Variants in SLC14A2 observed in about 807,000 individuals in gnomAD.
SLC14A2 encodes the protein solute carrier family 14 member 2, also known as urea transporter 2.
Under a neutral mutation model 104.6 loss-of-function variants are expected in SLC14A2, and 91 were observed. The ratio of observed to expected loss-of-function variants is 0.87; its 90% CI spans 0.73 to 1.04. SLC14A2 has a LOEUF of 1.04. SLC14A2 is among the 50% of genes least tolerant of loss of function. The pLI is 0.00. For synonymous variants in SLC14A2, 476 were observed against 466.4 expected (o/e 1.02, Z -0.27); for missense variants, 1,189 against 1,156.0 (o/e 1.03, Z -0.41).
chr18:45,277,483 A>T (rs1269136740), intron 1 of SLC14A2, among the ~76,000 whole-genome samples: 1 of 151,936 alleles, frequency 6.6e-6, no homozygotes, highest in African/African-American at 2.4e-5. Flanking sequence ...ATCATAGCTC[A>T]CTGCATCCAC....
chr18:45,310,178 C>CT (rs1372438704), intron 1 of SLC14A2, among the ~76,000 whole-genome samples: 1 of 152,186 alleles, frequency 6.6e-6, no homozygotes, highest in Non-Finnish European at 1.5e-5. Context: ...CATTGTACTT[C>CT]TAAGTTCTTA....
chr18:45,247,342 A>C (rs2084376615), intron 1 of SLC14A2, among the ~76,000 whole-genome samples: 1 of 152,252 alleles, frequency 6.6e-6, no homozygotes, highest in South Asian at 2.1e-4. Flanking sequence ...GTTTGCGAGA[A>C]TTGAGCAAGT....
chr18:45,562,313 T>C (rs537834701), intron 2 of SLC14A2, among the ~76,000 whole-genome samples: 9 of 152,350 alleles, frequency 5.9e-5, no homozygotes, highest in African/African-American at 1.9e-4. Context: ...GTTGACCTGA[T>C]AGAGAAGAGC....
chr18:45,650,718 G>A (rs2045719114), intron 10 of SLC14A2, among the ~76,000 whole-genome samples: 1 of 145,114 alleles, frequency 6.9e-6, no homozygotes, highest in African/African-American at 2.7e-5. Flanking sequence ...CAGCACCACA[G>A]GTGTTTTGGG....
chr18:45,260,851 G>A (rs2084528302), intron 1 of SLC14A2, among the ~76,000 whole-genome samples: 1 of 152,012 alleles, frequency 6.6e-6, no homozygotes, highest in Admixed American at 6.6e-5. Context: ...GGGGAGGAAG[G>A]GAGTGGGGAA....
chr18:45,557,043 G>A (rs1255279792), intron 2 of SLC14A2, among the ~76,000 whole-genome samples: 6 of 152,216 alleles, frequency 3.9e-5, no homozygotes, highest in African/African-American at 1.4e-4. Context: ...CCCGCATAGG[G>A]TAAGTGTTCA....
intron 1 of SLC14A2, among the ~76,000 whole-genome samples, chr18:45,465,837 A>G (rs1027040829): frequency 1.3e-5 from 2 of 152,178 alleles, no homozygotes; most frequent in Admixed American, 1.3e-4. Context: ...ATGCGTTGGA[A>G]ACCACATTGC....
chr18:45,435,558 G>T (rs2086582924), intron 1 of SLC14A2, among the ~76,000 whole-genome samples: 1 of 152,032 alleles, frequency 6.6e-6, no homozygotes, highest in African/African-American at 2.4e-5. Context: ...GACAATTTTG[G>T]CAAGACTGCT....
At chr18:45,623,696 G>T (rs146516139) in intron 1 of SLC14A2, among the ~76,000 whole-genome samples, 5 of 152,098 alleles carry the variant, frequency 3.3e-5, no homozygotes, top group Admixed American at 2.6e-4. Flanking sequence ...ATGAGTATAC[G>T]GAATGGTAGT....
At chr18:45,247,185 C>T (rs1208487072) in intron 1 of SLC14A2, among the ~76,000 whole-genome samples, 3 of 152,200 alleles carry the variant, frequency 2.0e-5, no homozygotes, top group African/African-American at 4.8e-5. Context: ...AAGGCTATTT[C>T]GGCACTGTTA....
At chr18:45,408,587 G>A (rs1377482601) in intron 1 of SLC14A2, among the ~76,000 whole-genome samples, 3 of 152,110 alleles carry the variant, frequency 2.0e-5, no homozygotes, top group South Asian at 2.1e-4. Context: ...ACCTCTAAGT[G>A]TTACATTAAA....
chr18:45,431,301 C>T (rs552956742), intron 1 of SLC14A2, among the ~76,000 whole-genome samples: 25 of 151,986 alleles, frequency 1.6e-4, no homozygotes, highest in African/African-American at 5.8e-4. Context: ...GTGTGTTGTG[C>T]GTGGTCTGTG....
At chr18:45,634,347 G>C (rs1385647599) in intron 5 of SLC14A2, among the ~76,000 whole-genome samples, 1 of 152,158 alleles carries the variant, frequency 6.6e-6, no homozygotes, top group East Asian at 1.9e-4. Flanking sequence ...ATTCTTCTTG[G>C]CTAAGACAGA....
the SLC14A2 span, among the ~76,000 whole-genome samples, chr18:45,206,389 C>T: frequency 6.6e-6 from 1 of 151,740 alleles, no homozygotes; most frequent in Non-Finnish European, 1.5e-5. Flanking sequence ...CAGTGACCCT[C>T]CAGAAATTTC....
chr18:45,481,018 G>A (rs1004218796), intron 1 of SLC14A2, among the ~76,000 whole-genome samples: 4 of 152,082 alleles, frequency 2.6e-5, no homozygotes, highest in Admixed American at 2.0e-4. Flanking sequence ...TGGGGCAGAT[G>A]ATTGATAAAG....
chr18:45,567,055 AGTGTGTGTGTGTGTGTGTGTGTGTGT>A (rs3058364), intron 2 of SLC14A2, among the ~76,000 whole-genome samples: 14 of 139,812 alleles, frequency 1.0e-4, no homozygotes, highest in African/African-American at 3.0e-4. Context: ...ATGTGCACAT[AGTGTGTGTGTGTGTGTGTGTGTGTGT>A]GTGTGTGTGT....
chr18:45,295,557 G>A (rs986210521), intron 1 of SLC14A2, among the ~76,000 whole-genome samples: 4 of 152,112 alleles, frequency 2.6e-5, no homozygotes, highest in African/African-American at 9.7e-5. Context: ...TGTTTCCTTA[G>A]AAGAGGTCAG....
upstream of SLC14A2, among the ~76,000 whole-genome samples, chr18:45,208,034 A>G (rs2083930421): frequency 6.6e-6 from 1 of 152,186 alleles, no homozygotes; most frequent in South Asian, 2.1e-4. Context: ...CCCAAAGCCA[A>G]ACCTTTTCAC....
At chr18:45,366,117 C>T (rs2085663275) in intron 1 of SLC14A2, among the ~76,000 whole-genome samples, 1 of 152,098 alleles carries the variant, frequency 6.6e-6, no homozygotes, top group African/African-American at 2.4e-5. Context: ...TACCATGAAG[C>T]AGAGTGTGCC....
Sources: gnomAD v4.1 joint callset for allele counts (sites outside exome capture counted in the v4.1 genomes callset) on GRCh38, gnomAD v4.1.1 for gene constraint, MANE v1.5 for transcripts, NCBI Gene and HGNC (gene_info 2026-07-23, HGNC 2026-07-21) for gene names.